The following CDK14 variants were observed in gnomAD, a reference collection of about 807,000 sequenced individuals.
CDK14 encodes the protein cyclin dependent kinase 14, also known as cyclin-dependent kinase 14.
Under a neutral mutation model 60.7 loss-of-function variants are expected in CDK14, and 34 were observed. That is an observed-to-expected ratio of 0.56 (90% CI 0.43 to 0.75). CDK14 has a LOEUF of 0.75. CDK14 is among the 30% of genes least tolerant of loss of function. The pLI, the probability that CDK14 is intolerant of heterozygous loss-of-function variation, is 0.00. For missense variants in CDK14, 482 were observed against 564.1 expected (o/e 0.85, Z 1.47); for synonymous variants, 197 against 203.7 (o/e 0.97, Z 0.28).
chr7:91,176,268 A>G (rs1801750377), intron 14 of CDK14, among the ~76,000 whole-genome samples: 1 of 152,252 alleles, frequency 6.6e-6, no homozygotes, highest in Non-Finnish European at 1.5e-5. Flanking sequence ...CAACGAGAGC[A>G]AAGACACAAC....
chr7:90,764,518 A>C (rs1804469058), intron 4 of CDK14, among the ~76,000 whole-genome samples: 1 of 152,162 alleles, frequency 6.6e-6, no homozygotes, highest in Non-Finnish European at 1.5e-5. Flanking sequence ...AATTGTAACA[A>C]TGGAGAGATG....
intron 5 of CDK14, among the ~76,000 whole-genome samples, chr7:90,805,262 T>C (rs1788779240): frequency 6.6e-6 from 1 of 152,078 alleles, no homozygotes; most frequent in East Asian, 1.9e-4. Context: ...GCAAGGGGGG[T>C]ATCTTAAAGT....
chr7:91,198,100 G>T (rs1259738319), intron 14 of CDK14, among the ~76,000 whole-genome samples: 1 of 152,124 alleles, frequency 6.6e-6, no homozygotes, highest in Non-Finnish European at 1.5e-5. Context: ...GACATTTCCT[G>T]GTGGAAACGA....
chr7:90,991,318 G>A (rs1044465774), intron 10 of CDK14, among the ~76,000 whole-genome samples: 46 of 152,146 alleles, frequency 3.0e-4, no homozygotes, highest in African/African-American at 9.6e-4. Context: ...AGACAATCTT[G>A]GTTCCCACAT....
chr7:90,608,832 A>G (rs556435204), intron 2 of CDK14, among the ~76,000 whole-genome samples: 5 of 152,036 alleles, frequency 3.3e-5, no homozygotes, highest in African/African-American at 1.2e-4. Context: ...TACAAAGCGT[A>G]TAAAATTAAA....
At chr7:90,917,321 A>G (rs1584121107) in intron 7 of CDK14, among the ~76,000 whole-genome samples, 1 of 152,144 alleles carries the variant, frequency 6.6e-6, no homozygotes, top group Non-Finnish European at 1.5e-5. Context: ...GATTATTTAC[A>G]TTTTGCTTAA....
intron 2 of CDK14, among the ~76,000 whole-genome samples, chr7:90,667,007 C>T (rs1000805446): frequency 6.6e-6 from 1 of 152,176 alleles, no homozygotes; most frequent in Admixed American, 6.6e-5. Flanking sequence ...TCTTTATCAT[C>T]TAACTTTTTC....
At chr7:90,919,164 A>C (rs1793168886) in intron 8 of CDK14, among the ~76,000 whole-genome samples, 1 of 152,192 alleles carries the variant, frequency 6.6e-6, no homozygotes, top group South Asian at 2.1e-4. Context: ...TCAGGAAATG[A>C]AAAAGGATTT....
chr7:90,758,198 TTTTG>T (rs1287240393), intron 4 of CDK14, among the ~76,000 whole-genome samples: 1 of 152,130 alleles, frequency 6.6e-6, no homozygotes, highest in African/African-American at 2.4e-5. Flanking sequence ...AGTAGAAAGT[TTTTG>T]TTTTTTGATC....
chr7:91,045,692 G>A (rs1273876391), intron 10 of CDK14, among the ~76,000 whole-genome samples: 1 of 152,094 alleles, frequency 6.6e-6, no homozygotes, highest in Non-Finnish European at 1.5e-5. Context: ...ACCACATTCA[G>A]CTGTATTTGT....
chr7:90,761,471 T>C (rs541053138), intron 4 of CDK14, among the ~76,000 whole-genome samples: 60 of 152,330 alleles, frequency 3.9e-4, no homozygotes, highest in African/African-American at 1.4e-3. Context: ...GACTTCAGGT[T>C]AAAGCATACC....
At chr7:91,090,730 C>T (rs1320077345) in intron 12 of CDK14, among the ~76,000 whole-genome samples, 1 of 152,118 alleles carries the variant, frequency 6.6e-6, no homozygotes, top group Non-Finnish European at 1.5e-5. Context: ...CTCAGAACAT[C>T]CGAGAGATTT....
At chr7:91,072,988 C>A (rs1798198061) in intron 11 of CDK14, among the ~76,000 whole-genome samples, 1 of 151,942 alleles carries the variant, frequency 6.6e-6, no homozygotes, top group Non-Finnish European at 1.5e-5. Flanking sequence ...TGAAAAAGAA[C>A]AAACAAAACT....
chr7:90,877,053 G>GT (rs1464425329), intron 6 of CDK14, among the ~76,000 whole-genome samples: 1 of 151,974 alleles, frequency 6.6e-6, no homozygotes, highest in Non-Finnish European at 1.5e-5. Flanking sequence ...TTGTTGGTTT[G>GT]TTTTTTTATG....
intron 10 of CDK14, among the ~76,000 whole-genome samples, chr7:91,044,919 A>G (rs926468925): frequency 3.3e-5 from 5 of 152,188 alleles, no homozygotes; most frequent in Non-Finnish European, 7.3e-5. Flanking sequence ...GTAATACCTA[A>G]TACTGACATA....
chr7:90,831,921 C>T (rs1789925662), intron 5 of CDK14, among the ~76,000 whole-genome samples: 2 of 151,984 alleles, frequency 1.3e-5, no homozygotes, highest in African/African-American at 2.4e-5. Context: ...CATGAGGTTC[C>T]CCCTCAGAAC....
chr7:90,795,878 T>C (rs1788406938), intron 5 of CDK14, among the ~76,000 whole-genome samples: 1 of 152,174 alleles, frequency 6.6e-6, no homozygotes, highest in Non-Finnish European at 1.5e-5. Context: ...CGTAGTGGTA[T>C]TGAAGGACCA....
In CDK14 at chr7:90,862,734, A is replaced by T. The variant is rs1791050018; in HGVS notation, c.545-441A>T. On this transcript the variant is annotated intron_variant, in intron 5 of 14. Transcript: ENST00000380050. ...CAGGTTCCATACCTATGGAATGTAT[A>T]CCAAGATAAACCATATTCTGGATAA... Among the ~76,000 whole-genome samples the T allele has an allele frequency of 4.6e-5, 7 of 152,226 alleles. 1 individual carries two copies. Among genetic ancestry groups the T allele is most frequent in the Admixed American group, 4.6e-4 (7 of 15,278 alleles).
chr7:91,144,299 C>T (rs1443878976), intron 14 of CDK14, among the ~76,000 whole-genome samples: 1 of 152,100 alleles, frequency 6.6e-6, no homozygotes, highest in Non-Finnish European at 1.5e-5. Flanking sequence ...AAATAGATAT[C>T]ACAGTTATTA....
Sources: allele counts gnomAD v4.1 joint callset (sites outside exome capture counted in the v4.1 genomes callset), GRCh38; gene constraint gnomAD v4.1.1; transcripts MANE v1.5; gene names NCBI Gene and HGNC (gene_info 2026-07-23, HGNC 2026-07-21).